MSRB3: variants seen among roughly 807,000 people sequenced by gnomAD.
MSRB3 encodes the protein methionine sulfoxide reductase B3, also known as methionine-R-sulfoxide reductase B3.
Under a neutral mutation model 21.0 loss-of-function variants are expected in MSRB3, and 13 were observed. The ratio of observed to expected loss-of-function variants is 0.62; its 90% CI spans 0.40 to 0.98. MSRB3 has a LOEUF of 0.98. Among genes scored for constraint, MSRB3 ranks in the 50% least tolerant of loss-of-function variants. MSRB3 has a pLI of 0.00. For missense variants in MSRB3, 199 were observed against 230.3 expected (o/e 0.86, Z 0.88); for synonymous variants, 87 against 88.6 (o/e 0.98, Z 0.10).
intron 4 of MSRB3, among the ~76,000 whole-genome samples, chr12:65,363,233 A>G (rs1440968417): frequency 6.6e-6 from 1 of 152,168 alleles, no homozygotes; most frequent in East Asian, 1.9e-4. Flanking sequence ...AAAATTTTTG[A>G]TACAGTTGAA....
At chr12:65,324,599 C>T (rs894435593) in intron 2 of MSRB3, among the ~76,000 whole-genome samples, 7 of 152,112 alleles carry the variant, frequency 4.6e-5, no homozygotes, top group Admixed American at 1.3e-4. Context: ...CATGGTTCAT[C>T]AATACTGACC....
chr12:65,423,759 G>A (rs567546230), intron 5 of MSRB3, among the ~76,000 whole-genome samples: 19 of 152,076 alleles, frequency 1.2e-4, no homozygotes, highest in Admixed American at 2.6e-4. Context: ...TTTAGAATTT[G>A]TATATCTATA....
At chr12:65,383,667 T>C (rs1879060151) in intron 5 of MSRB3, among the ~76,000 whole-genome samples, 1 of 151,664 alleles carries the variant, frequency 6.6e-6, no homozygotes, top group African/African-American at 2.4e-5. Context: ...AGAATTTTTT[T>C]TTTTTTTTTT....
intron 4 of MSRB3, among the ~76,000 whole-genome samples, chr12:65,336,258 G>A (rs1214881473): frequency 6.6e-6 from 1 of 152,152 alleles, no homozygotes; most frequent in Non-Finnish European, 1.5e-5. Flanking sequence ...GAACATAAAA[G>A]CTTGGCATAA....
At chr12:65,372,868 G>A (rs1565860625) in intron 5 of MSRB3, among the ~76,000 whole-genome samples, 3 of 152,322 alleles carry the variant, frequency 2.0e-5, no homozygotes, top group South Asian at 4.1e-4. Flanking sequence ...TCTGGATGGG[G>A]AGGATCACAA....
chr12:65,292,025 G>A (rs1424552658), intron 1 of MSRB3, among the ~76,000 whole-genome samples: 1 of 152,206 alleles, frequency 6.6e-6, no homozygotes, highest in African/African-American at 2.4e-5. Context: ...TTGGACCACA[G>A]TGGTGGTGGC....
chr12:65,375,116 A>C (rs1439854958), intron 5 of MSRB3, among the ~76,000 whole-genome samples: 2 of 150,484 alleles, frequency 1.3e-5, no homozygotes, highest in Non-Finnish European at 2.9e-5. Context: ...AAGTGCTGGG[A>C]TTACAGGCGT....
intron 5 of MSRB3, among the ~76,000 whole-genome samples, chr12:65,420,535 C>T (rs1281930981): frequency 6.6e-6 from 1 of 151,914 alleles, no homozygotes; most frequent in African/African-American, 2.4e-5. Flanking sequence ...TAGGTAAACT[C>T]ATGTCACAGG....
intron 4 of MSRB3, among the ~76,000 whole-genome samples, chr12:65,364,113 G>A (rs547629989): frequency 1.1e-4 from 17 of 152,168 alleles, no homozygotes; most frequent in Admixed American, 6.5e-4. Context: ...GGCTACTTCA[G>A]CTCCTGGAAT....
At chr12:65,283,981 G>A (rs143129504) in intron 1 of MSRB3, 1 of 152,336 alleles carries the variant, frequency 6.6e-6, no homozygotes, top group African/African-American at 2.4e-5. Flanking sequence ...TAACTGAGAT[G>A]GCAGGGGGAA....
At chr12:65,423,892 G>C (rs150075963) in intron 5 of MSRB3, among the ~76,000 whole-genome samples, 1 of 152,254 alleles carries the variant, frequency 6.6e-6, no homozygotes, top group South Asian at 2.1e-4. Context: ...TTCTTTGGAA[G>C]AGTTTGAGAA....
At chr12:65,395,387 AC>A (rs1257280888) in intron 5 of MSRB3, among the ~76,000 whole-genome samples, 1 of 151,984 alleles carries the variant, frequency 6.6e-6, no homozygotes, top group African/African-American at 2.4e-5. Context: ...AATCACTTGA[AC>A]CTGGGAGGCG....
Position 65,465,305 on chromosome 12 carries a change from T to C in MSRB3, c.*1983T>C, listed in dbSNP as rs760079835. 2 of 152,234 alleles carry C rather than the reference T, an allele frequency of 1.3e-5. No individual in the cohort carries two copies. Among genetic ancestry groups the C allele is most frequent in the Non-Finnish European group, 2.9e-5 (2 of 68,032 alleles). The allele number at this position is 152,234 out of a possible 1,614,324, so 9.4% of individuals were successfully genotyped here. A position where few individuals can be genotyped will look rare whatever the true frequency, so the allele number is the denominator to read the frequency against. ...GTAGCCAGGTGTGAAGGTTGTATGGTGTGTGACGAATGTACATCATGTTTG... is the reference window on the plus strand; with the variant it reads ...GTAGCCAGGTGTGAAGGTTGTATGGCGTGTGACGAATGTACATCATGTTTG... On this transcript the variant is annotated 3_prime_UTR_variant, in exon 7 of 7. Coordinates refer to ENST00000308259, the MANE Select transcript of MSRB3 (RefSeq NM_001031679.3).
At chr12:65,343,587 A>G (rs147989603) in intron 4 of MSRB3, among the ~76,000 whole-genome samples, 121 of 152,238 alleles carry the variant, frequency 7.9e-4, no homozygotes, top group Non-Finnish European at 1.3e-3. Flanking sequence ...AGAAATTACC[A>G]TGCATTTTGC....
intron 5 of MSRB3, among the ~76,000 whole-genome samples, chr12:65,391,794 C>G (rs1045775723): frequency 6.6e-6 from 1 of 151,998 alleles, no homozygotes; most frequent in African/African-American, 2.4e-5. Context: ...GAAGAGTTAT[C>G]AATATAATTG....
intron 5 of MSRB3, among the ~76,000 whole-genome samples, chr12:65,370,177 A>G (rs1878238234): frequency 6.6e-6 from 1 of 152,144 alleles, no homozygotes; most frequent in African/African-American, 2.4e-5. Context: ...TTGGTTGAAA[A>G]CGCTGACTAT....
At chr12:65,404,435 T>C in intron 5 of MSRB3, among the ~76,000 whole-genome samples, 1 of 152,250 alleles carries the variant, frequency 6.6e-6, no homozygotes, top group East Asian at 1.9e-4. Flanking sequence ...AAACACTGAA[T>C]GCAAGTGATT....
At chr12:65,295,534 C>T (rs1474183699) in intron 1 of MSRB3, among the ~76,000 whole-genome samples, 1 of 151,700 alleles carries the variant, frequency 6.6e-6, no homozygotes, top group Non-Finnish European at 1.5e-5. Context: ...GGCTAAAGTA[C>T]ATTTTTGAGT....
chr12:65,387,438 G>A (rs1190594933), intron 5 of MSRB3, among the ~76,000 whole-genome samples: 1 of 151,978 alleles, frequency 6.6e-6, no homozygotes, highest in Non-Finnish European at 1.5e-5. Context: ...GTAAAAAGTA[G>A]AATCTCATTA....
Sources: gnomAD v4.1 joint callset for allele counts (sites outside exome capture counted in the v4.1 genomes callset) on GRCh38, gnomAD v4.1.1 for gene constraint, MANE v1.5 for transcripts, NCBI Gene and HGNC (gene_info 2026-07-23, HGNC 2026-07-21) for gene names.